The following IL3RA variants were observed in gnomAD, a reference collection of about 807,000 sequenced individuals.
IL3RA encodes the protein interleukin 3 receptor subunit alpha.
Under a neutral mutation model 52.3 loss-of-function variants are expected in IL3RA, and 73 were observed. The ratio of observed to expected loss-of-function variants is 1.40; its 90% CI spans 1.16 to 1.70. IL3RA has a LOEUF of 1.70. Among genes scored for constraint, IL3RA ranks in the 40% most tolerant of loss-of-function variants. IL3RA has a pLI of 0.00. For missense variants in IL3RA, 664 were observed against 504.4 expected, an observed-to-expected ratio of 1.32 and a Z score of -3.03; for synonymous variants, 260 against 194.0, an observed-to-expected ratio of 1.34 and a Z score of -2.83.
intron 4 of IL3RA, among the ~76,000 whole-genome samples, 171 bp downstream of exon 4, chrX:1,348,716 C>CTGT (rs1569520738): frequency 1.7e-4 from 12 of 70,984 alleles, no homozygotes. Context: ...GTTTCTGTTT[C>CTGT]TTTCTTCCTT....
intron 1 of IL3RA, among the ~76,000 whole-genome samples, chrX:1,337,872 A>G (rs368490499): frequency 2.0e-5 from 3 of 149,438 alleles, no homozygotes; most frequent in African/African-American, 7.5e-5. Flanking sequence ...GACAGCCCTC[A>G]TACCCATCTA....
At chrX:1,337,020 G>A (rs1443774716) in intron 1 of IL3RA, 94 bp downstream of exon 1, 1 of 152,206 alleles carries the variant, frequency 6.6e-6, no homozygotes, top group Non-Finnish European at 1.5e-5. Context: ...TGGCAGACAC[G>A]GGGCATTGGC....
chrX:1,361,507 C>CT (rs1305879649), intron 8 of IL3RA, among the ~76,000 whole-genome samples: 1 of 152,020 alleles, frequency 6.6e-6, no homozygotes, highest in African/African-American at 2.4e-5. Flanking sequence ...ATCACAGCAC[C>CT]TTGGGAGGAC....
intron 6 of IL3RA, among the ~76,000 whole-genome samples, chrX:1,355,468 G>GGGAGGA (rs1302357154): frequency 7.0e-6 from 1 of 142,884 alleles, no homozygotes; most frequent in Non-Finnish European, 1.5e-5. Flanking sequence ...TAGGAGGAGG[G>GGGAGGA]GGAGGAGGAG....
At chrX:1,367,599 CGCGGGGTGA>C (rs1186026237) in intron 9 of IL3RA, among the ~76,000 whole-genome samples, 7 of 78,858 alleles carry the variant, frequency 8.9e-5, no homozygotes, top group Non-Finnish European at 1.4e-4. Context: ...GAGCCGGGTG[CGCGGGGTGA>C]GCGGGGTGCG....
chrX:1,382,303 T>C (rs2089220517), intron 11 of IL3RA, 88 bp from the exon 12 acceptor site: 2 of 1,163,702 alleles, frequency 1.7e-6, no homozygotes, highest in Admixed American at 3.4e-5. Context: ...AGAGCAGATC[T>C]GAGATGGGAC....
chrX:1,340,115 C>CTT lies in IL3RA; in HGVS notation c.-38-1596_-38-1595dup, dbSNP rs779128210. On this transcript the variant is annotated intron_variant, in intron 1 of 11. Transcript: ENST00000331035. ...GGGCAGCAACTCTTTCTTTTCTTTT[C>CTT]TTTTTTTTTTTTTTTTTTGAGACGG... Among the ~76,000 whole-genome samples, 1,031 of 127,172 alleles carry CTT rather than the reference C, an allele frequency of 8.1e-3. 33 individuals carry two copies. Among genetic ancestry groups the CTT allele is most frequent in the African/African-American group, 0.028 (957 of 34,452 alleles). 83.4% of individuals were successfully genotyped at this position (127,172 alleles called of 152,430 possible). A position where few individuals can be genotyped will look rare whatever the true frequency, so the allele number is the denominator to read the frequency against.
At chrX:1,348,979 C>G (rs2085951413) in intron 4 of IL3RA, among the ~76,000 whole-genome samples, 1 of 148,908 alleles carries the variant, frequency 6.7e-6, no homozygotes, top group Admixed American at 6.9e-5. Flanking sequence ...CTCTCTCTTT[C>G]TCTCTTTCCC....
chrX:1,378,351 C>G (rs2088943385), intron 9 of IL3RA, among the ~76,000 whole-genome samples: 2 of 152,184 alleles, frequency 1.3e-5, no homozygotes, highest in South Asian at 4.1e-4. Context: ...AGTGGAAGTC[C>G]CTGGCGCTCC....
Position 1,350,193 on chromosome X carries a change from G to A in IL3RA, c.298+1648G>A, listed in dbSNP as rs1340401775. ...GGGGAGGCCGGGCGCAGTGGCTCAC[G>A]CCTGTAATCCCAGCACTTTGGGAGG... On this transcript the variant is annotated intron_variant, in intron 4 of 11. Coordinates refer to ENST00000331035, the MANE Select transcript of IL3RA (RefSeq NM_002183.4). Among the ~76,000 whole-genome samples the A allele has an allele frequency of 5.3e-5, 8 of 150,744 alleles. No homozygotes were observed. In the East Asian group the frequency reaches 1.4e-3, roughly 27 times the overall value.
Position 1,378,741 on chromosome X carries a change from CTG to C in IL3RA, c.961_962del (p.Val321LeufsTer26), listed in dbSNP as rs752101019. 3.5e-5 allele frequency: 56 copies of C among 1,612,344 alleles called. 3 individuals are homozygous for C. The South Asian group carries it at 4.7e-4, about 14-fold the overall frequency. On this transcript the variant is annotated frameshift_variant, in exon 10 of 12. Coordinates refer to ENST00000331035, the MANE Select transcript of IL3RA (RefSeq NM_002183.4). LOFTEE classifies it high-confidence loss of function. ...IALGTLLALV[C>X]VFVICRRYLV... is the part of the protein sequence containing the mutation. Reference sequence around the variant, plus strand: ...CGCTGGGGACGCTGCTGGCCCTGGTCTGTGTCTTCGTGATCTGCAGAAGGTGA... The same window carrying C: ...CGCTGGGGACGCTGCTGGCCCTGGTCTGTCTTCGTGATCTGCAGAAGGTGA...
intron 1 of IL3RA, among the ~76,000 whole-genome samples, chrX:1,337,999 C>A (rs6607440): frequency 1.5e-5 from 2 of 134,560 alleles, no homozygotes; most frequent in African/African-American, 2.9e-5. Flanking sequence ...CCCTCGTACC[C>A]ATCTATAGAT....
At chrX:1,381,884 AAAGG>A (rs2089192328) in intron 11 of IL3RA, among the ~76,000 whole-genome samples, 1 of 151,572 alleles carries the variant, frequency 6.6e-6, no homozygotes, top group Admixed American at 6.6e-5. Flanking sequence ...TCCCTAAGAG[AAAGG>A]AAGGGCAGAG....
At chrX:1,360,070 T>TCTCC (rs1278662847) in intron 8 of IL3RA, among the ~76,000 whole-genome samples, 9 of 147,656 alleles carry the variant, frequency 6.1e-5, no homozygotes, top group African/African-American at 2.0e-4. Flanking sequence ...TCTCTCCCTT[T>TCTCC]CTCCCTCCAT....
intron 8 of IL3RA, among the ~76,000 whole-genome samples, chrX:1,362,828 T>G (rs1425631526): frequency 1.3e-5 from 2 of 151,996 alleles, no homozygotes; most frequent in Non-Finnish European, 2.9e-5. Flanking sequence ...CAGGCTGGAG[T>G]GCAGTGGTGC....
At position 1,378,775 on chromosome X, in the gene IL3RA, G is replaced by A. The variant is rs374884542; in HGVS notation, c.980+11G>A. On this transcript the variant is annotated intron_variant, in intron 10 of 11. Coordinates refer to ENST00000331035, the MANE Select transcript of IL3RA (RefSeq NM_002183.4). Reference sequence around the variant, plus strand: ...CGTGATCTGCAGAAGGTGAGCCCTCGAGGGCGTCCGCGAGCGTCGCTTGTT... The same window carrying A: ...CGTGATCTGCAGAAGGTGAGCCCTCAAGGGCGTCCGCGAGCGTCGCTTGTT... 11 of 1,609,778 alleles carry A rather than the reference G, an allele frequency of 6.8e-6. No individual in the cohort carries two copies. The highest frequency in any genetic ancestry group is 4.5e-5 in the East Asian group (2 of 44,882).
chrX:1,345,145 G>T (rs1270393011), intron 2 of IL3RA, among the ~76,000 whole-genome samples, 171 bp from the exon 3 acceptor site: 3 of 149,734 alleles, frequency 2.0e-5, no homozygotes, highest in African/African-American at 4.9e-5. Context: ...TCCAGCCAGG[G>T]CGACAAGAGT....
At chrX:1,367,689 CGCGGGGTGA>C (rs2088233545) in intron 9 of IL3RA, among the ~76,000 whole-genome samples, 1 of 101,548 alleles carries the variant, frequency 9.8e-6, no homozygotes, top group African/African-American at 4.1e-5. Context: ...GAGCGGGGTG[CGCGGGGTGA>C]GCCGGGTGCG....
chrX:1,378,846 A>G (rs2088983740), intron 10 of IL3RA, 82 bp downstream of exon 10: 2 of 1,279,888 alleles, frequency 1.6e-6, no homozygotes, highest in Non-Finnish European at 2.2e-6. Flanking sequence ...CCTGAGAATT[A>G]TCATTATTAT....
Sources: allele counts gnomAD v4.1 joint callset (sites outside exome capture counted in the v4.1 genomes callset), GRCh38; gene constraint gnomAD v4.1.1; transcripts MANE v1.5; gene names NCBI Gene and HGNC (gene_info 2026-07-23, HGNC 2026-07-21).